Variants in GALNT18 observed in about 807,000 individuals in gnomAD.
The protein encoded by GALNT18 is polypeptide N-acetylgalactosaminyltransferase 18, also known as GalNAc-transferase 18.
Under a neutral mutation model 69.5 loss-of-function variants are expected in GALNT18, and 44 were observed. The observed-to-expected ratio is 0.63, with a 90% CI of 0.50 to 0.81. The LOEUF (loss-of-function observed/expected upper bound fraction) is 0.81, where lower values mean the gene tolerates loss of function less well. GALNT18 is among the 40% of genes least tolerant of loss of function. The probability of loss-of-function intolerance (pLI) is 0.00; values close to 1 mark genes in which losing one functional copy is unlikely to be tolerated. For synonymous variants in GALNT18, 364 were observed against 318.2 expected, an observed-to-expected ratio of 1.14 and a Z score of -1.53; for missense variants, 715 against 810.0, an observed-to-expected ratio of 0.88 and a Z score of 1.42.
Position 11,480,733 on chromosome 11 carries a change from T to C in GALNT18, c.236-31797A>G, listed in dbSNP as rs1332247495. ...CTCTCCAGATGAGTCCCTTCATCCC[T>C]GTATCAGCACTTCTCACAGCGTGCT... is the stretch of plus-strand genomic sequence containing the variant. On this transcript the variant is annotated intron_variant, in intron 1 of 10. Transcript: ENST00000227756. This position sits in a 1 kb window ranked among gnomAD's most constrained non-coding sequence, Gnocchi z 4.6. Among the ~76,000 whole-genome samples the C allele has an allele frequency of 6.6e-6, 1 of 152,204 alleles. No homozygotes were observed. Among genetic ancestry groups the C allele is most frequent in the Non-Finnish European group, 1.5e-5 (1 of 68,032 alleles).
In GALNT18 at chr11:11,613,311, C is replaced by CA. The variant is rs1413887814; in HGVS notation, c.235+8047dup. 6.6e-6 allele frequency among the ~76,000 whole-genome samples: 1 copy of CA among 152,140 alleles called. No individual in the cohort carries two copies. Among genetic ancestry groups the CA allele is most frequent in the Admixed American group, 6.5e-5 (1 of 15,272 alleles). ...TTCCAGAACAGCAGTCATTCCCAAT[C>CA]ACTGCCACAACATACTGTGCTGTGG... On this transcript the variant is annotated intron_variant, in intron 1 of 10. Coordinates refer to ENST00000227756, the MANE Select transcript of GALNT18 (RefSeq NM_198516.3). The surrounding 1 kb of genome is among the most constrained non-coding windows in gnomAD (Gnocchi z 4.2).
At chr11:11,300,941 G>A (rs368129384) in intron 9 of GALNT18, among the ~76,000 whole-genome samples, 4 of 152,286 alleles carry the variant, frequency 2.6e-5, no homozygotes, top group East Asian at 1.9e-4. Flanking sequence ...AAATGTTGGC[G>A]CAACACACAC....
chr11:11,312,355 G>A (rs1184936357), intron 9 of GALNT18, among the ~76,000 whole-genome samples: 1 of 152,174 alleles, frequency 6.6e-6, no homozygotes, highest in East Asian at 1.9e-4. Flanking sequence ...TGTTTTATGT[G>A]TATTATATAC....
chr11:11,434,242 T>C (rs1029304354), intron 2 of GALNT18, among the ~76,000 whole-genome samples: 9 of 152,136 alleles, frequency 5.9e-5, no homozygotes, highest in Admixed American at 3.9e-4. Context: ...CAGAGAGGAA[T>C]GGGGGAAAGA....
At chr11:11,329,771 C>T (rs192548212) in intron 8 of GALNT18, among the ~76,000 whole-genome samples, 6 of 152,236 alleles carry the variant, frequency 3.9e-5, no homozygotes, top group Admixed American at 2.0e-4. Context: ...GAAAAACATG[C>T]GTAAATGACT....
chr11:11,377,273 C>G lies in GALNT18; in HGVS notation c.886G>C (p.Ala296Pro). 1 of 1,613,930 alleles carries G rather than the reference C, an allele frequency of 6.2e-7. No homozygotes were observed. The highest frequency in any genetic ancestry group is 8.5e-7 in the Non-Finnish European group (1 of 1,179,964). ...DNFEIEEYPL[A>P]AQGFDWELWC... ...AGCTCCCAGTCAAAGCCCTGGGCAG[C>G]CAGCGGGTACTCTTCTATCTCAAAG... Residue 296 changes from alanine to proline, a missense_variant, in exon 5 of 11, where the codon GCT becomes CCT. Ala to Pro is a conservative substitution (Grantham distance 27, BLOSUM62 -1). Transcript: ENST00000227756. This position sits in a 1 kb window ranked among gnomAD's most constrained non-coding sequence, Gnocchi z 4.6.
chr11:11,544,526 T>C (rs1858001559), intron 1 of GALNT18, among the ~76,000 whole-genome samples: 1 of 152,256 alleles, frequency 6.6e-6, no homozygotes, highest in Non-Finnish European at 1.5e-5. Context: ...ACTCCTGCTC[T>C]TAAAAAGTGA....
At position 11,315,338 on chromosome 11, in the gene GALNT18, C is replaced by A. The variant is rs567826987; in HGVS notation, c.1512+11748G>T. ...CATCAGGAAAGAGTGAGACTGCAGG[C>A]TGGATTAATGAAACAACTCACTCCA... On this transcript the variant is annotated intron_variant, in intron 9 of 10. Coordinates refer to ENST00000227756, the MANE Select transcript of GALNT18 (RefSeq NM_198516.3). The surrounding 1 kb of genome is among the most constrained non-coding windows in gnomAD (Gnocchi z 5.6). Among the ~76,000 whole-genome samples the A allele has an allele frequency of 6.6e-6, 1 of 152,136 alleles. No homozygotes were observed. The highest frequency in any genetic ancestry group is 2.1e-4 in the South Asian group (1 of 4,806).
At chr11:11,529,715 GGAGA>G (rs373159701) in intron 1 of GALNT18, among the ~76,000 whole-genome samples, 39 of 152,030 alleles carry the variant, frequency 2.6e-4, no homozygotes, top group South Asian at 2.1e-3. Context: ...GAGGGGAGAA[GGAGA>G]GAGAGAGAGA....
In GALNT18 at chr11:11,604,190, T is replaced by C. The variant is rs1859694946; in HGVS notation, c.235+17169A>G. On this transcript the variant is annotated intron_variant, in intron 1 of 10. Transcript: ENST00000227756. The surrounding 1 kb of genome is among the most constrained non-coding windows in gnomAD (Gnocchi z 5.6). ...ACACCACACAGTTTATGGTATTTTGTTATAGCAGCCCAAATAGACTAAGAT... is the reference window on the plus strand; with the variant it reads ...ACACCACACAGTTTATGGTATTTTGCTATAGCAGCCCAAATAGACTAAGAT... Among the ~76,000 whole-genome samples the C allele has an allele frequency of 1.3e-5, 2 of 152,232 alleles. No individual in the cohort carries two copies. The highest frequency in any genetic ancestry group is 2.9e-5 in the Non-Finnish European group (2 of 68,044).
chr11:11,330,309 G>T (rs1045849729), intron 8 of GALNT18, among the ~76,000 whole-genome samples: 1 of 152,174 alleles, frequency 6.6e-6, no homozygotes, highest in African/African-American at 2.4e-5. Flanking sequence ...AAAGACATCT[G>T]GTCTCTTCAT....
At chr11:11,518,296 A>T (rs1226510757) in intron 1 of GALNT18, among the ~76,000 whole-genome samples, 1 of 152,266 alleles carries the variant, frequency 6.6e-6, no homozygotes, top group Admixed American at 6.5e-5. Context: ...AGTGTTTGTT[A>T]TCTAACTAAA....
At chr11:11,608,870 T>A (rs958369041) in intron 1 of GALNT18, among the ~76,000 whole-genome samples, 3 of 152,224 alleles carry the variant, frequency 2.0e-5, no homozygotes, top group Non-Finnish European at 4.4e-5. Context: ...AAATCTTTCT[T>A]ACTCCACTCC....
rs1212750325 is a variant in GALNT18 at position 11,413,377 on chromosome 11, C to T, written c.595+19244G>A. Among the ~76,000 whole-genome samples the T allele has an allele frequency of 1.3e-5, 2 of 151,838 alleles. No individual in the cohort carries two copies. Among genetic ancestry groups the T allele is most frequent in the African/African-American group, 4.9e-5 (2 of 41,096 alleles). On this transcript the variant is annotated intron_variant, in intron 3 of 10. Coordinates refer to ENST00000227756, the MANE Select transcript of GALNT18 (RefSeq NM_198516.3). The surrounding 1 kb of genome is among the most constrained non-coding windows in gnomAD (Gnocchi z 4.7). Reference sequence around the variant, plus strand: ...GATGCCCCATTAGGACTCAGAGGCACTCTCTACTTTCTCTGGAGGCCATTT... The same window carrying T: ...GATGCCCCATTAGGACTCAGAGGCATTCTCTACTTTCTCTGGAGGCCATTT...
At position 11,573,709 on chromosome 11, in the gene GALNT18, A is replaced by G. The variant is rs1342326948; in HGVS notation, c.235+47650T>C. On this transcript the variant is annotated intron_variant, in intron 1 of 10. Transcript: ENST00000227756. The surrounding 1 kb of genome is among the most constrained non-coding windows in gnomAD (Gnocchi z 4.6). ...TCTCTCCAGCCAAAAGCTTCATGAG[A>G]TGGAAGGGGATATCCTATCTCCTAT... 6.6e-6 allele frequency: 1 copy of G among 152,176 alleles called. No individual in the cohort carries two copies. The highest frequency in any genetic ancestry group is 1.5e-5 in the Non-Finnish European group (1 of 68,042). 9.4% of individuals were successfully genotyped at this position (152,176 alleles called of 1,614,324 possible).
chr11:11,462,472 T>C (rs1237760611), intron 1 of GALNT18, among the ~76,000 whole-genome samples: 1 of 151,882 alleles, frequency 6.6e-6, no homozygotes, highest in African/African-American at 2.4e-5. Flanking sequence ...TTTATTTTTT[T>C]AGTAGTGGTG....
rs1854787475 is a variant in GALNT18 at position 11,413,792 on chromosome 11, A to C, written c.595+18829T>G. On this transcript the variant is annotated intron_variant, in intron 3 of 10. Transcript: ENST00000227756. The surrounding 1 kb of genome is among the most constrained non-coding windows in gnomAD (Gnocchi z 4.7). ...TGACTGTGGAGCTAGCTGTGCAGCC[A>C]AGCCAGGCTCAGCCTGTCCTGACCT... Among the ~76,000 whole-genome samples the C allele has an allele frequency of 6.6e-6, 1 of 152,180 alleles. No individual in the cohort carries two copies. The highest frequency in any genetic ancestry group is 2.4e-5 in the African/African-American group (1 of 41,448).
rs1215879679 is a variant in GALNT18, at chr11:11,490,227, T to A, written c.236-41291A>T. Among the ~76,000 whole-genome samples, 168 of 74,400 alleles carry A rather than the reference T, an allele frequency of 2.3e-3. 1 individual carries two copies. The highest frequency in any genetic ancestry group is 0.017 in the South Asian group (38 of 2,206). The allele number at this position is 74,400 out of a possible 152,430, so 48.8% of individuals were successfully genotyped here. A position where few individuals can be genotyped will look rare whatever the true frequency, so the allele number is the denominator to read the frequency against. ...CTCTCTCTCTCTCTCTCTCTCTCTC[T>A]CTCTCTAACACACACACACACACAC... On this transcript the variant is annotated intron_variant, in intron 1 of 10. Transcript: ENST00000227756.
chr11:11,527,817 C>A (rs1457144584), intron 1 of GALNT18, among the ~76,000 whole-genome samples: 1 of 152,152 alleles, frequency 6.6e-6, no homozygotes, highest in Non-Finnish European at 1.5e-5. Flanking sequence ...TCTCTATTTT[C>A]TTAAACTGTG....
Sources: gnomAD v4.1 joint callset for allele counts (sites outside exome capture counted in the v4.1 genomes callset) on GRCh38, gnomAD v4.1.1 for gene constraint, Gnocchi (gnomAD v3.1) non-coding constraint, MANE v1.5 for transcripts, NCBI Gene and HGNC (gene_info 2026-07-23, HGNC 2026-07-21) for gene names.